Variants in LRMDA observed in about 807,000 individuals in gnomAD.
The protein encoded by LRMDA is leucine-rich melanocyte differentiation-associated protein.
A neutral mutation model predicts 29.8 loss-of-function variants in LRMDA; 18 were observed. The observed-to-expected ratio is 0.60, with a 90% CI of 0.42 to 0.90. The LOEUF (loss-of-function observed/expected upper bound fraction) is 0.90. Among genes scored for constraint, LRMDA ranks in the 40% least tolerant of loss-of-function variants. LRMDA has a pLI of 0.00. For synonymous variants in LRMDA, 125 were observed against 109.4 expected, an observed-to-expected ratio of 1.14 and a Z score of -0.89; for missense variants, 273 against 273.9, an observed-to-expected ratio of 1.00 and a Z score of 0.02.
At chr10:75,814,574 GCCCC>G (rs1564575255) in intron 2 of LRMDA, among the ~76,000 whole-genome samples, 1 of 148,360 alleles carries the variant, frequency 6.7e-6, no homozygotes, top group Non-Finnish European at 1.5e-5. Context: ...CCCAGCCTTG[GCCCC>G]GCCACCTGAA....
intron 2 of LRMDA, among the ~76,000 whole-genome samples, chr10:75,903,186 T>C (rs1483496118): frequency 6.6e-6 from 1 of 152,202 alleles, no homozygotes; most frequent in African/African-American, 2.4e-5. Context: ...TCCTAAATTT[T>C]CCACCATGGA....
intron 6 of LRMDA, among the ~76,000 whole-genome samples, chr10:76,327,656 T>TTAA (rs1356596754): frequency 6.6e-6 from 1 of 152,086 alleles, no homozygotes; most frequent in Admixed American, 6.6e-5. Flanking sequence ...AAAGGCTGAG[T>TTAA]AATAGGAACC....
chr10:76,274,821 C>A (rs1167440618), intron 5 of LRMDA, among the ~76,000 whole-genome samples: 1 of 152,108 alleles, frequency 6.6e-6, no homozygotes, highest in East Asian at 1.9e-4. Context: ...CTTTTCTGCT[C>A]TGAAGGATGA....
intron 2 of LRMDA, among the ~76,000 whole-genome samples, chr10:75,813,679 G>T (rs1241418376): frequency 6.6e-6 from 1 of 152,110 alleles, no homozygotes; most frequent in Non-Finnish European, 1.5e-5. Flanking sequence ...TTTTGTTTAG[G>T]TTATATTTGT....
At chr10:75,646,565 C>T (rs577069971) in intron 2 of LRMDA, among the ~76,000 whole-genome samples, 1 of 152,308 alleles carries the variant, frequency 6.6e-6, no homozygotes, top group Middle Eastern at 3.4e-3. Context: ...CTGTCTTTTG[C>T]AATCTGATAT....
chr10:76,147,307 C>A (rs1850344816), intron 5 of LRMDA, among the ~76,000 whole-genome samples: 1 of 152,194 alleles, frequency 6.6e-6, no homozygotes, highest in Admixed American at 6.5e-5. Flanking sequence ...TTCTCCCCGT[C>A]ACTTTCAGGT....
intron 5 of LRMDA, among the ~76,000 whole-genome samples, chr10:76,132,686 G>C (rs1385359624): frequency 6.6e-6 from 1 of 152,104 alleles, no homozygotes; most frequent in Non-Finnish European, 1.5e-5. Flanking sequence ...GCATGAGTAC[G>C]AGTATCGGAG....
At chr10:76,514,410 C>G (rs1270859808) in intron 6 of LRMDA, among the ~76,000 whole-genome samples, 1 of 152,108 alleles carries the variant, frequency 6.6e-6, no homozygotes, top group African/African-American at 2.4e-5. Flanking sequence ...TCACCCCCTC[C>G]CAAAATTGGT....
chr10:76,192,823 C>A (rs1241371870), intron 5 of LRMDA, among the ~76,000 whole-genome samples: 3 of 152,136 alleles, frequency 2.0e-5, no homozygotes. Context: ...GTCTATTACC[C>A]TGTGATTTAG....
rs145413084 is a variant in LRMDA at position 75,515,658 on chromosome 10, G to A, written c.131+77164G>A. ...GTCTCTCAAAGAGCTGGGAATATAG[G>A]TATGAGCCACTGTGCCTGGCCATTA... is the stretch of plus-strand genomic sequence containing the variant. On this transcript the variant is annotated intron_variant, in intron 2 of 6. Transcript: ENST00000611255. Among the ~76,000 whole-genome samples the A allele has an allele frequency of 2.2e-4, 33 of 152,008 alleles. No individual in the cohort carries two copies. The East Asian group carries it at 6.2e-3, about 29-fold the overall frequency.
chr10:76,044,689 C>T (rs998291484), intron 3 of LRMDA, among the ~76,000 whole-genome samples: 1 of 152,098 alleles, frequency 6.6e-6, no homozygotes, highest in African/African-American at 2.4e-5. Context: ...GACCTTCTCT[C>T]CAGTCTCTAT....
intron 2 of LRMDA, among the ~76,000 whole-genome samples, chr10:75,702,753 C>T (rs1035287929): frequency 3.3e-5 from 5 of 152,198 alleles, no homozygotes; most frequent in East Asian, 3.8e-4. Flanking sequence ...TGGCAACCTT[C>T]GCATTTGGTT....
At position 76,323,499 on chromosome 10, in the gene LRMDA, T is replaced by TA. The variant is rs899998617; in HGVS notation, c.517-892dup. 3.3e-3 allele frequency among the ~76,000 whole-genome samples: 490 copies of TA among 148,700 alleles called. 3 individuals carry two copies. Among genetic ancestry groups the TA allele is most frequent in the African/African-American group, 0.011 (442 of 40,616 alleles). Reference sequence around the variant, plus strand: ...CTAGCAGATGTTCTTTTTGGGATATTAAAAAAAAAAGCTACATTTGATTTA... The same window carrying TA: ...CTAGCAGATGTTCTTTTTGGGATATTAAAAAAAAAAAGCTACATTTGATTTA... On this transcript the variant is annotated intron_variant, in intron 5 of 6. Coordinates refer to ENST00000611255, the MANE Select transcript of LRMDA (RefSeq NM_001305581.2).
At chr10:75,670,014 A>C (rs947868596) in intron 2 of LRMDA, among the ~76,000 whole-genome samples, 1 of 152,072 alleles carries the variant, frequency 6.6e-6, no homozygotes. Flanking sequence ...AAATATAGCA[A>C]CTCTTTATTA....
chr10:75,576,777 A>G (rs1205123384), intron 2 of LRMDA, among the ~76,000 whole-genome samples: 1 of 152,230 alleles, frequency 6.6e-6, no homozygotes, highest in Non-Finnish European at 1.5e-5. Flanking sequence ...AGCAAACTCC[A>G]GCACACTTGC....
intron 5 of LRMDA, among the ~76,000 whole-genome samples, chr10:76,187,209 A>G (rs12243088): frequency 0.022 from 3,301 of 152,220 alleles, 60 homozygotes; most frequent in Non-Finnish European, 0.034. Flanking sequence ...GTGTATTTTT[A>G]TAGTGGTTTC....
At chr10:75,958,616 T>C (rs2132426590) in intron 2 of LRMDA, among the ~76,000 whole-genome samples, 1 of 152,316 alleles carries the variant, frequency 6.6e-6, no homozygotes, top group East Asian at 1.9e-4. Context: ...TGATTTTTAA[T>C]AATTTTTTGG....
At chr10:76,067,154 A>G (rs1172434833) in intron 5 of LRMDA, among the ~76,000 whole-genome samples, 1 of 152,212 alleles carries the variant, frequency 6.6e-6, no homozygotes, top group Non-Finnish European at 1.5e-5. Context: ...CCTTAAAGGG[A>G]GTTCACAACA....
intron 5 of LRMDA, among the ~76,000 whole-genome samples, chr10:76,076,515 A>C (rs770562768): frequency 2.6e-5 from 4 of 152,060 alleles, no homozygotes; most frequent in Non-Finnish European, 5.9e-5. Flanking sequence ...ACGTGATCTC[A>C]TTTTATCCTC....
Sources: gnomAD v4.1 joint callset for allele counts (sites outside exome capture counted in the v4.1 genomes callset) on GRCh38, gnomAD v4.1.1 for gene constraint, MANE v1.5 for transcripts, NCBI Gene and HGNC (gene_info 2026-07-23, HGNC 2026-07-21) for gene names.